WNK4: variants seen among roughly 807,000 people sequenced by gnomAD.
The protein encoded by WNK4 is serine/threonine-protein kinase WNK4.
Under a neutral mutation model 116.2 loss-of-function variants are expected in WNK4, and 94 were observed. That is an observed-to-expected ratio of 0.81 (90% CI 0.68 to 0.96). The LOEUF is 0.96. Ranked by LOEUF, WNK4 falls within the 40% of genes least tolerant of loss-of-function variation. The pLI, the probability that WNK4 is intolerant of heterozygous loss-of-function variation, is 0.00. For missense variants in WNK4, 1,542 were observed against 1,650.6 expected (o/e 0.93, Z 1.14); for synonymous variants, 655 against 672.7 (o/e 0.97, Z 0.41).
In WNK4 at chr17:42,795,057, G is replaced by A. The variant is rs2054649254; in HGVS notation, c.2636G>A (p.Cys879Tyr). 5 of 1,613,522 alleles carry A rather than the reference G, an allele frequency of 3.1e-6. No individual in the cohort carries two copies. In the South Asian group the frequency reaches 4.4e-5, roughly 14 times the overall value. ...TPEFPVPLSQ[C>Y]PWSSLPTTSP... ...GAGTTTCCGGTCCCACTCTCTCAGTGTCCCTGGAGTTCTCTCCCCACGACT... is the reference window on the plus strand; with the variant it reads ...GAGTTTCCGGTCCCACTCTCTCAGTATCCCTGGAGTTCTCTCCCCACGACT... Residue 879 changes from cysteine to tyrosine, a missense_variant, in exon 14 of 19, where the codon TGT (cysteine) becomes TAT (tyrosine). This residue lies in a region of WNK4 where 292 missense variants were observed against 290.1 expected (regional missense o/e 1.01). Transcript: ENST00000246914.
intron 2 of WNK4, 111 bp downstream of exon 2, chr17:42,783,041 T>G: frequency 7.1e-7 from 1 of 1,412,246 alleles, no homozygotes; most frequent in Non-Finnish European, 9.7e-7. Flanking sequence ...AAAACCAGGT[T>G]CACCATCTCC....
At position 42,780,814 on chromosome 17, in the gene WNK4, C is replaced by A. The variant is rs1012246606; in HGVS notation, c.116C>A (p.Pro39His). 2 of 1,602,052 alleles carry A rather than the reference C, an allele frequency of 1.2e-6. No homozygotes were observed. Among genetic ancestry groups the A allele is most frequent in the Admixed American group, 1.7e-5 (1 of 59,776 alleles). ...GCGGGGCAGCCCCGCCTCGGGCCCC[C>A]TCCTCGCCGAGCGCGCCGCTTCTCC... ...GTAGQPRLGP[P>H]PRRARRFSGK... is the part of the protein sequence containing the mutation. Residue 39 changes from proline (P) to histidine (H), a missense_variant, in exon 1 of 19, where the codon CCT becomes CAT. By Grantham distance (77) the Pro-to-His change is moderately conservative. Around this residue, in one of 7 missense-constraint regions of WNK4, gnomAD observed 243 missense variants for 217.8 expected, o/e 1.12. Transcript: ENST00000246914.
chr17:42,789,225 G>C (rs1478739228), intron 11 of WNK4, among the ~76,000 whole-genome samples: 2 of 152,168 alleles, frequency 1.3e-5, no homozygotes, highest in African/African-American at 4.8e-5. Flanking sequence ...TCCAAGTAGA[G>C]AGTGTCTTGG....
rs1160210183 is a variant in WNK4, at chr17:42,782,302, A to G, written c.619-456A>G. 1.3e-5 allele frequency among the ~76,000 whole-genome samples: 2 copies of G among 152,122 alleles called. No homozygotes were observed. Among genetic ancestry groups the G allele is most frequent in the Admixed American group, 6.5e-5 (1 of 15,276 alleles). On this transcript the variant is annotated intron_variant, in intron 1 of 18. Coordinates refer to ENST00000246914, the MANE Select transcript of WNK4 (RefSeq NM_032387.5). The surrounding 1 kb of genome is among the most constrained non-coding windows in gnomAD (Gnocchi z 4.2). ...TCTTTCCTTCTCAGTACCTCCCTCC[A>G]TATCCCTCCCGCCTTCCGTCTGGAT...
chr17:42,783,314 A>G (rs1024844289), intron 2 of WNK4, among the ~76,000 whole-genome samples: 2 of 152,206 alleles, frequency 1.3e-5, no homozygotes, highest in South Asian at 2.1e-4. Flanking sequence ...AAGCGATCCT[A>G]TCTTCCTGCA....
rs1597904657 is a variant in WNK4, at chr17:42,795,617, C to T, written c.3023-8C>T. ...TTTCCTCATGCCTTCTTCCTCGTCG[C>T]CCTACAGAGGGAAAGCCGCAGCTTG... On this transcript the variant is annotated splice_region_variant and splice_polypyrimidine_tract_variant and intron_variant, in intron 15 of 18. Coordinates refer to ENST00000246914, the MANE Select transcript of WNK4 (RefSeq NM_032387.5). 17 of 1,614,044 alleles carry T rather than the reference C, an allele frequency of 1.1e-5. No homozygotes were observed. The highest frequency in any genetic ancestry group is 1.4e-5 in the Non-Finnish European group (16 of 1,180,038).
chr17:42,785,775 C>T (rs984178079), intron 6 of WNK4, among the ~76,000 whole-genome samples: 1 of 152,070 alleles, frequency 6.6e-6, no homozygotes, highest in South Asian at 2.1e-4. Context: ...TCCTTCTTTC[C>T]TCCCTCCCCA....
rs766817565 is a variant in WNK4 at position 42,795,101 on chromosome 17, C to A, written c.2680C>A (p.Pro894Thr). Residue 894 changes from proline (P) to threonine (T), a missense_variant, in exon 14 of 19, where the codon CCC becomes ACC. Physicochemically the swap from Pro to Thr is conservative, Grantham distance 38. This residue lies in a region of WNK4 where 292 missense variants were observed against 290.1 expected (regional missense o/e 1.01). Coordinates refer to ENST00000246914, the MANE Select transcript of WNK4 (RefSeq NM_032387.5). Reference protein sequence around the residue: ...LPTTSPPTFSPTCSQVTLSSP... With the variant: ...LPTTSPPTFSTTCSQVTLSSP... ...CACGACTTCTCCACCTACGTTCTCT[C>A]CCACTTGTTCTCAGGTCACTCTTAG... 2.5e-6 allele frequency: 4 copies of A among 1,614,000 alleles called. No homozygotes were observed. The Admixed American group carries it at 6.7e-5, about 27-fold the overall frequency.
In WNK4 at chr17:42,795,651, T is replaced by C; in HGVS notation, c.3049T>C (p.Phe1017Leu). The change falls in exon 16 of 19, where the codon TTC becomes CTC. Residue 1017 changes from phenylalanine (F) to leucine (L), a missense_variant. This residue lies in a region of WNK4 where 292 missense variants were observed against 290.1 expected (regional missense o/e 1.01). Coordinates refer to ENST00000246914, the MANE Select transcript of WNK4 (RefSeq NM_032387.5). ...EEGKPQLVGR[F>L]QVTSSKEPAE... Reference sequence around the variant, plus strand: ...GGGAAAGCCGCAGCTTGTTGGGCGTTTCCAAGTGACTTCATCCAAGGAACC... The same window carrying C: ...GGGAAAGCCGCAGCTTGTTGGGCGTCTCCAAGTGACTTCATCCAAGGAACC... 6.2e-7 allele frequency: 1 copy of C among 1,613,518 alleles called. No homozygotes were observed. The highest frequency in any genetic ancestry group is 8.5e-7 in the Non-Finnish European group (1 of 1,180,024).
At chr17:42,794,745 G>A (rs905190258) in intron 13 of WNK4, 27 bp from the exon 14 acceptor site, 1 of 1,613,930 alleles carries the variant, frequency 6.2e-7, no homozygotes, top group Non-Finnish European at 8.5e-7. Context: ...ATGTGGGACT[G>A]TGGTCTCAAC....
rs750277646 is a variant in WNK4, at chr17:42,780,978, C to T, written c.280C>T (p.Pro94Ser). The change falls in exon 1 of 19, where the codon CCC (proline) becomes TCC (serine). Residue 94 changes from proline to serine, a missense_variant. Transcript: ENST00000246914. ...TCCTCCGGACTCCGCTGGTCCTGGC[C>T]CCGCGAGGAGCCCACCGCCTAGCTC... ...PDPPDSAGPG[P>S]ARSPPPSSKE... 1.6e-5 allele frequency: 26 copies of T among 1,610,194 alleles called. No homozygotes were observed. Among genetic ancestry groups the T allele is most frequent in the Non-Finnish European group, 2.0e-5 (24 of 1,179,468 alleles).
Position 42,780,798 on chromosome 17 carries a change from C to G in WNK4, c.100C>G (p.Pro34Ala). 6.2e-7 allele frequency: 1 copy of G among 1,603,414 alleles called. No homozygotes were observed. Among genetic ancestry groups the G allele is most frequent in the Non-Finnish European group, 8.5e-7 (1 of 1,178,346 alleles). ...PPPPLGTAGQ[P>A]RLGPPPRRAR... Reference sequence around the variant, plus strand: ...GCCTCCTCTTGGCACCGCGGGGCAGCCCCGCCTCGGGCCCCCTCCTCGCCG... The same window carrying G: ...GCCTCCTCTTGGCACCGCGGGGCAGGCCCGCCTCGGGCCCCCTCCTCGCCG... The change falls in exon 1 of 19, where the codon CCC becomes GCC. Residue 34 changes from proline to alanine, a missense_variant. Physicochemically the swap from Pro to Ala is conservative, Grantham distance 27 (BLOSUM62 -1). Coordinates refer to ENST00000246914, the MANE Select transcript of WNK4 (RefSeq NM_032387.5).
chr17:42,783,043 ACCATC>A, intron 2 of WNK4, 113 bp downstream of exon 2: 1 of 1,392,006 alleles, frequency 7.2e-7, no homozygotes, highest in Non-Finnish European at 9.8e-7. Context: ...AACCAGGTTC[ACCATC>A]TCCCTCTCAC....
At chr17:42,796,418 G>T (rs2054674210) in intron 17 of WNK4, 63 bp from the exon 18 acceptor site, 1 of 1,613,538 alleles carries the variant, frequency 6.2e-7, no homozygotes, top group African/African-American at 1.3e-5. Context: ...CGGGGGAATA[G>T]ACCCCCTCTC....
At position 42,782,772 on chromosome 17, in the gene WNK4, T is replaced by C. The variant is rs752976176; in HGVS notation, c.633T>C (p.Ser211=). 4.0e-5 allele frequency: 65 copies of C among 1,614,112 alleles called. No homozygotes were observed. The East Asian group carries it at 1.4e-3, about 35-fold the overall frequency. Residue 211 remains serine (S), a synonymous_variant, in exon 2 of 19, where the codon TCT becomes TCC. Coordinates refer to ENST00000246914, the MANE Select transcript of WNK4 (RefSeq NM_032387.5). This position sits in a 1 kb window ranked among gnomAD's most constrained non-coding sequence, Gnocchi z 4.2. ...CCATCCCACAGACTCGGAAACTGTC[T>C]AGAGCTGAGCGGCAGCGCTTCTCAG... ...AWCELQTRKL[S]RAERQRFSEE...
rs569410653 is a variant in WNK4, at chr17:42,784,863, C to G, written c.1171-234C>G. 1.8e-4 allele frequency among the ~76,000 whole-genome samples: 28 copies of G among 151,544 alleles called. No individual in the cohort carries two copies. The East Asian group carries it at 5.4e-3, about 29-fold the overall frequency. The stretch of plus-strand genomic sequence containing the variant: ...TGTGAGGTGAGCGGGGCAAATGTTC[C>G]ACCCTGCGATTTACAGATGAACAAA... On this transcript the variant is annotated intron_variant, in intron 4 of 18. Coordinates refer to ENST00000246914, the MANE Select transcript of WNK4 (RefSeq NM_032387.5). The surrounding 1 kb of genome is among the most constrained non-coding windows in gnomAD (Gnocchi z 4.4).
At chr17:42,794,014 G>A (rs537281095) in intron 12 of WNK4, 9 of 381,152 alleles carry the variant, frequency 2.4e-5, no homozygotes, top group Middle Eastern at 8.6e-4. Flanking sequence ...CACCACACCC[G>A]GCTAATTTTT....
At position 42,796,016 on chromosome 17, in the gene WNK4, G is replaced by A; in HGVS notation, c.3414G>A (p.Leu1138=). Residue 1138 remains leucine (L), a synonymous_variant, in exon 16 of 19, where the codon CTG becomes CTA. Coordinates refer to ENST00000246914, the MANE Select transcript of WNK4 (RefSeq NM_032387.5). ...SGEDEEFWAE[L]QSLRQKHLSE... is the part of the protein sequence containing the mutation. ...AAGATGAGGAGTTCTGGGCTGAGCTGCAGAGTCTTCGGCAGAAGTGAGTCT... is the reference window on the plus strand; with the variant it reads ...AAGATGAGGAGTTCTGGGCTGAGCTACAGAGTCTTCGGCAGAAGTGAGTCT... 6.2e-7 allele frequency: 1 copy of A among 1,613,918 alleles called. No individual in the cohort carries two copies. The highest frequency in any genetic ancestry group is 8.5e-7 in the Non-Finnish European group (1 of 1,180,036).
intron 15 of WNK4, 33 bp from the exon 16 acceptor site, chr17:42,795,592 T>G: frequency 6.2e-7 from 1 of 1,614,216 alleles, no homozygotes. Context: ...ACTGCTCTCC[T>G]TTCCTCATGC....
Sources: allele counts gnomAD v4.1 joint callset (sites outside exome capture counted in the v4.1 genomes callset), GRCh38; gene constraint gnomAD v4.1.1; regional missense constraint gnomAD v4.1.1; non-coding constraint Gnocchi (gnomAD v3.1); transcripts MANE v1.5; gene names NCBI Gene and HGNC (gene_info 2026-07-23, HGNC 2026-07-21).